Variants in PDE10A observed in about 807,000 individuals in gnomAD.
PDE10A encodes phosphodiesterase 10A, also known as cAMP and cAMP-inhibited cGMP 3',5'-cyclic phosphodiesterase 10A.
Under a neutral mutation model 97.7 loss-of-function variants are expected in PDE10A, and 39 were observed. The observed-to-expected ratio is 0.40, with a 90% CI of 0.31 to 0.52. The LOEUF is 0.52. Among genes scored for constraint, PDE10A ranks in the 20% least tolerant of loss-of-function variants. PDE10A has a pLI of 0.56. For missense variants in PDE10A, 731 were observed against 1,047.8 expected (o/e 0.70, Z 4.17); for synonymous variants, 371 against 376.8 (o/e 0.98, Z 0.18).
intron 1 of PDE10A, among the ~76,000 whole-genome samples, chr6:165,786,626 G>T (rs1006263594): frequency 6.6e-6 from 1 of 152,154 alleles, no homozygotes; most frequent in African/African-American, 2.4e-5. Context: ...TGAGGCTGAT[G>T]AATCTCACCA....
At chr6:165,340,090 T>G (rs2128178399) in intron 19 of PDE10A, among the ~76,000 whole-genome samples, 1 of 152,364 alleles carries the variant, frequency 6.6e-6, no homozygotes, top group Non-Finnish European at 1.5e-5. Flanking sequence ...TACTAAAGAT[T>G]CACTATGATG....
intron 1 of PDE10A, among the ~76,000 whole-genome samples, chr6:165,912,315 G>A (rs989938252): frequency 1.3e-5 from 2 of 152,042 alleles, no homozygotes; most frequent in African/African-American, 4.8e-5. Flanking sequence ...ATTTGTGAAG[G>A]CATCTACTCA....
chr6:165,560,861 C>T (rs988826374), intron 1 of PDE10A, among the ~76,000 whole-genome samples: 5 of 152,064 alleles, frequency 3.3e-5, no homozygotes, highest in Admixed American at 2.0e-4. Context: ...GGTGTCTAAT[C>T]GTTTAGCACC....
intron 18 of PDE10A, among the ~76,000 whole-genome samples, chr6:165,374,528 A>G (rs1363587585): frequency 6.6e-6 from 1 of 152,122 alleles, no homozygotes; most frequent in Admixed American, 6.6e-5. Context: ...CAGAAGTAAG[A>G]ATAGTAAGTA....
At chr6:165,835,555 C>G (rs572341892) in intron 1 of PDE10A, among the ~76,000 whole-genome samples, 274 of 152,328 alleles carry the variant, frequency 1.8e-3, no homozygotes, top group Middle Eastern at 3.4e-3. Context: ...GCCCACAGAG[C>G]CCCCAGGGAA....
At chr6:165,905,996 CTT>C (rs1782254293) in intron 1 of PDE10A, among the ~76,000 whole-genome samples, 1 of 61,634 alleles carries the variant, frequency 1.6e-5, no homozygotes, top group Non-Finnish European at 3.1e-5. Flanking sequence ...TCCTTCCTTC[CTT>C]CCTTCCTTCC....
rs1262144808 is a variant in PDE10A at position 165,343,381 on chromosome 6, A to G, written c.2895+10T>C. ...CACTATCTATGTCAATATAAGAATC[A>G]AGGACATACCTCAGCCCAGAATTCT... On this transcript the variant is annotated intron_variant, in intron 19 of 21. Transcript: ENST00000539869. 6 of 1,561,522 alleles carry G rather than the reference A, an allele frequency of 3.8e-6. No homozygotes were observed. Among genetic ancestry groups the G allele is most frequent in the Non-Finnish European group, 4.4e-6 (5 of 1,132,306 alleles).
chr6:165,562,070 A>G (rs761101253), intron 1 of PDE10A, among the ~76,000 whole-genome samples: 1 of 152,176 alleles, frequency 6.6e-6, no homozygotes, highest in Non-Finnish European at 1.5e-5. Flanking sequence ...CAGGAGTTCA[A>G]GACCCATCTG....
chr6:165,634,459 G>A (rs184681478), intron 1 of PDE10A, among the ~76,000 whole-genome samples: 12 of 152,220 alleles, frequency 7.9e-5, no homozygotes, highest in South Asian at 6.2e-4. Flanking sequence ...GATTGTATTC[G>A]ATACCAAATA....
chr6:165,760,513 C>A (rs1174257570), intron 1 of PDE10A, among the ~76,000 whole-genome samples: 8 of 152,144 alleles, frequency 5.3e-5, no homozygotes, highest in Non-Finnish European at 8.8e-5. Flanking sequence ...CTTCTGTGTG[C>A]TTTTATCATA....
intron 17 of PDE10A, among the ~76,000 whole-genome samples, chr6:165,386,560 T>G (rs192534085): frequency 1.8e-4 from 28 of 152,030 alleles, no homozygotes; most frequent in South Asian, 4.1e-4. Flanking sequence ...AACAAACAAA[T>G]AGTCTCCAAT....
chr6:165,665,286 A>G (rs1031870507), upstream of PDE10A, among the ~76,000 whole-genome samples: 2 of 152,218 alleles, frequency 1.3e-5, no homozygotes, highest in African/African-American at 4.8e-5. Context: ...TGAAGACTTT[A>G]ATGACAAAGG....
At chr6:165,958,070 G>A (rs1784191849) in intron 1 of PDE10A, among the ~76,000 whole-genome samples, 1 of 152,166 alleles carries the variant, frequency 6.6e-6, no homozygotes, top group Admixed American at 6.5e-5. Flanking sequence ...ATCCTTCCCA[G>A]AATGAGAACT....
chr6:165,420,033 A>T (rs1788585367), intron 10 of PDE10A, among the ~76,000 whole-genome samples: 1 of 152,172 alleles, frequency 6.6e-6, no homozygotes, highest in Non-Finnish European at 1.5e-5. Context: ...GCAGGGACTG[A>T]GTATACTGCC....
chr6:165,979,210 G>A (rs539080275), intron 1 of PDE10A, among the ~76,000 whole-genome samples: 31 of 152,280 alleles, frequency 2.0e-4, no homozygotes, highest in Non-Finnish European at 3.7e-4. Context: ...AGCTGGGTAA[G>A]GGTTCTTGTT....
At chr6:165,835,384 C>A (rs1242707228) in intron 1 of PDE10A, among the ~76,000 whole-genome samples, 2 of 152,198 alleles carry the variant, frequency 1.3e-5, no homozygotes, top group Non-Finnish European at 2.9e-5. Context: ...CACTGTCCAA[C>A]AATTTTCCTT....
At chr6:165,387,468 C>T (rs1785390511) in intron 17 of PDE10A, among the ~76,000 whole-genome samples, 1 of 152,156 alleles carries the variant, frequency 6.6e-6, no homozygotes, top group Non-Finnish European at 1.5e-5. Flanking sequence ...GGAGGCCTGG[C>T]CTATTCAACA....
At chr6:165,380,725 CG>C (rs1418118507) in intron 17 of PDE10A, among the ~76,000 whole-genome samples, 1 of 152,082 alleles carries the variant, frequency 6.6e-6, no homozygotes, top group Non-Finnish European at 1.5e-5. Flanking sequence ...ATGGGGACAA[CG>C]GGAGGGGACT....
chr6:165,875,884 T>C (rs550174025), intron 1 of PDE10A, among the ~76,000 whole-genome samples: 1 of 152,202 alleles, frequency 6.6e-6, no homozygotes, highest in East Asian at 1.9e-4. Context: ...TATGGGAAAA[T>C]AGCTGTGAAG....
Sources: gnomAD v4.1 joint callset for allele counts (sites outside exome capture counted in the v4.1 genomes callset) on GRCh38, gnomAD v4.1.1 for gene constraint, MANE v1.5 for transcripts, NCBI Gene and HGNC (gene_info 2026-07-23, HGNC 2026-07-21) for gene names.